Variants in ERI1 observed in about 807,000 individuals in gnomAD.
The protein encoded by ERI1 is 3'-5' exoribonuclease 1.
In ERI1, 39 loss-of-function variants were observed where a neutral mutation model predicts 39.7. The ratio of observed to expected loss-of-function variants is 0.98; its 90% CI spans 0.76 to 1.28. The LOEUF is 1.28. ERI1 is among the 50% of genes most tolerant of loss of function. The pLI is 0.00. For synonymous variants in ERI1, 204 were observed against 149.6 expected (o/e 1.36, Z -2.65); for missense variants, 581 against 416.9 (o/e 1.39, Z -3.43).
chr8:9,060,565 G>C (rs1455567602), intron 3 of ERI1, among the ~76,000 whole-genome samples: 1 of 152,212 alleles, frequency 6.6e-6, no homozygotes, highest in Non-Finnish European at 1.5e-5. Flanking sequence ...AGACGGGCTA[G>C]CGGCTTGTAA....
chr8:9,022,649 C>G (rs551893346), intron 6 of ERI1, among the ~76,000 whole-genome samples: 1 of 152,320 alleles, frequency 6.6e-6, no homozygotes, highest in African/African-American at 2.4e-5. Flanking sequence ...ATCTGCCCGC[C>G]TCGGCCTCCC....
chr8:9,011,786 A>C, intron 3 of ERI1, 34 bp downstream of exon 3: 1 of 1,499,072 alleles, frequency 6.7e-7, no homozygotes, highest in Non-Finnish European at 9.1e-7. Context: ...TTGTATTTCT[A>C]GCAGCAACTA....
intron 1 of ERI1, among the ~76,000 whole-genome samples, chr8:9,005,728 T>G (rs995020293): frequency 1.1e-4 from 17 of 152,096 alleles, no homozygotes; most frequent in Admixed American, 9.8e-4. Context: ...TCTCCTGACC[T>G]CGTTATCCGC....
chr8:9,084,404 G>A (rs1799462691), intron 3 of ERI1, among the ~76,000 whole-genome samples: 2 of 152,162 alleles, frequency 1.3e-5, no homozygotes, highest in Admixed American at 6.6e-5. Context: ...TGCCCGTAGT[G>A]GAATTGTATG....
chr8:9,084,123 G>T (rs1470286034), intron 3 of ERI1, among the ~76,000 whole-genome samples: 1 of 151,972 alleles, frequency 6.6e-6, no homozygotes, highest in Non-Finnish European at 1.5e-5. Context: ...TTAGCCTGGT[G>T]TGGTGGTGTG....
chr8:9,027,250 G>A (rs1293883946), intron 6 of ERI1, among the ~76,000 whole-genome samples: 1 of 151,716 alleles, frequency 6.6e-6, no homozygotes, highest in African/African-American at 2.4e-5. Flanking sequence ...AATGATTAGT[G>A]ATGTTGAGCA....
At chr8:9,014,304 C>T (rs543268608) in intron 3 of ERI1, among the ~76,000 whole-genome samples, 8 of 152,284 alleles carry the variant, frequency 5.3e-5, no homozygotes, top group African/African-American at 1.9e-4. Flanking sequence ...CTCCTTCTCT[C>T]CCTCCCTCCC....
chr8:9,084,765 G>T (rs561345332), intron 3 of ERI1, among the ~76,000 whole-genome samples: 1 of 152,174 alleles, frequency 6.6e-6, no homozygotes, highest in East Asian at 1.9e-4. Flanking sequence ...TTACACACTA[G>T]CTAGAGAGAT....
chr8:9,092,077 C>G (rs1799725266), intron 3 of ERI1, among the ~76,000 whole-genome samples: 1 of 152,178 alleles, frequency 6.6e-6, no homozygotes, highest in African/African-American at 2.4e-5. Flanking sequence ...CTACCTCAGC[C>G]TCCCAAGTAG....
chr8:9,020,404 A>G lies in ERI1; in HGVS notation c.747A>G (p.Lys249=), dbSNP rs1817755014. Residue 249 remains lysine, a synonymous_variant, in exon 6 of 7, where the codon AAA becomes AAG. Transcript: ENST00000250263. ...LNIQCQLSRL[K]YPPFAKKWIN... ...TTCAGTGTCAACTCAGCAGGCTCAA[A>G]TACCCTCCTTTTGCGAAAAAGTGGA... is the stretch of plus-strand genomic sequence containing the variant. 1.2e-6 allele frequency: 2 copies of G among 1,608,856 alleles called. No homozygotes were observed. Among genetic ancestry groups the G allele is most frequent in the African/African-American group, 2.7e-5 (2 of 74,792 alleles).
rs71201904 is a variant in ERI1 at position 9,004,485 on chromosome 8, C to CTTTTTTTTT, written c.108+1332_108+1340dup. 5.0e-3 allele frequency among the ~76,000 whole-genome samples: 395 copies of CTTTTTTTTT among 78,312 alleles called. 15 individuals are homozygous for CTTTTTTTTT. The highest frequency in any genetic ancestry group is 0.018 in the African/African-American group (371 of 20,064). 51.4% of individuals were successfully genotyped at this position (78,312 alleles called of 152,430 possible). A position where few individuals can be genotyped will look rare whatever the true frequency, so the allele number is the denominator to read the frequency against. ...CTGTTGCATGCTCTTTATAGTGATA[C>CTTTTTTTTT]TTTTTTTTTTTTTTTTTTTTTTTTT... On this transcript the variant is annotated intron_variant, in intron 1 of 6. Transcript: ENST00000250263.
At chr8:9,086,073 C>A (rs1472146509) in intron 3 of ERI1, among the ~76,000 whole-genome samples, 1 of 152,130 alleles carries the variant, frequency 6.6e-6, no homozygotes, top group Non-Finnish European at 1.5e-5. Context: ...CTTTCAAGTC[C>A]TAATTTGTTT....
In ERI1 at chr8:9,056,428, C is replaced by T. The variant is rs77027342; in HGVS notation, n.299+35964C>T. On this transcript the variant is annotated intron_variant and non_coding_transcript_variant, in intron 3 of 3. Transcript: ENST00000518663. ...CTAAAACAGAATCGAGTTGATGAGCCGTGTATAGTTTGCTTAACCATGTTC... is the reference window on the plus strand; with the variant it reads ...CTAAAACAGAATCGAGTTGATGAGCTGTGTATAGTTTGCTTAACCATGTTC... Among the ~76,000 whole-genome samples, 92 of 152,274 alleles carry T rather than the reference C, an allele frequency of 6.0e-4. 3 individuals carry two copies. In the East Asian group the frequency reaches 0.017, roughly 28 times the overall value.
At chr8:9,038,199 C>G (rs760837842), downstream of ERI1, among the ~76,000 whole-genome samples, 1 of 152,160 alleles carries the variant, frequency 6.6e-6, no homozygotes, top group Non-Finnish European at 1.5e-5. Flanking sequence ...TAAAATTCCT[C>G]TTTCTCCTGG....
Position 9,020,432 on chromosome 8 carries a change from A to C in ERI1, c.775A>C (p.Asn259His). 1 of 1,606,744 alleles carries C rather than the reference A, an allele frequency of 6.2e-7. No individual in the cohort carries two copies. The highest frequency in any genetic ancestry group is 1.1e-5 in the South Asian group (1 of 89,152). ...KYPPFAKKWI[N>H]IRKSYGNFYK... Reference sequence around the variant, plus strand: ...CCCTCCTTTTGCGAAAAAGTGGATCAATATTCGGAAGTCATATGGAAATTT... The same window carrying C: ...CCCTCCTTTTGCGAAAAAGTGGATCCATATTCGGAAGTCATATGGAAATTT... Residue 259 changes from asparagine (N) to histidine (H), a missense_variant, in exon 6 of 7, where the codon AAT (asparagine) becomes CAT (histidine). Asn to His is a moderately conservative substitution (Grantham distance 68). Transcript: ENST00000250263.
At chr8:9,010,425 A>G (rs1396843852) in intron 2 of ERI1, among the ~76,000 whole-genome samples, 1 of 152,246 alleles carries the variant, frequency 6.6e-6, no homozygotes. Flanking sequence ...GTAGGTCTTG[A>G]TAATTTTGAA....
chr8:9,004,979 G>A (rs1433007735), intron 1 of ERI1, among the ~76,000 whole-genome samples: 1 of 152,128 alleles, frequency 6.6e-6, no homozygotes, highest in Non-Finnish European at 1.5e-5. Flanking sequence ...ATGAGCCACT[G>A]CGCCTGGCCA....
At chr8:9,072,502 A>C (rs150758873) in intron 3 of ERI1, 1 of 152,302 alleles carries the variant, frequency 6.6e-6, no homozygotes, top group East Asian at 1.9e-4. Flanking sequence ...AAATTCCAAA[A>C]GAGCTGTAAC....
intron 2 of ERI1, among the ~76,000 whole-genome samples, chr8:9,010,464 CA>C (rs1816544752): frequency 6.6e-6 from 1 of 152,126 alleles, no homozygotes; most frequent in African/African-American, 2.4e-5. Flanking sequence ...AATATTAAGA[CA>C]TTTCATCTTA....
Sources: gnomAD v4.1 joint callset for allele counts (sites outside exome capture counted in the v4.1 genomes callset) on GRCh38, gnomAD v4.1.1 for gene constraint, MANE v1.5 for transcripts, NCBI Gene and HGNC (gene_info 2026-07-23, HGNC 2026-07-21) for gene names.